Variants in SIPA1L1 observed in about 807,000 individuals in gnomAD.
The protein encoded by SIPA1L1 is signal-induced proliferation-associated 1-like protein 1.
SIPA1L1 carries 26 observed loss-of-function variants against 162.7 expected under a neutral mutation model. The ratio of observed to expected loss-of-function variants is 0.16; its 90% CI spans 0.12 to 0.22. The LOEUF is 0.22. Among genes scored for constraint, SIPA1L1 ranks in the 10% least tolerant of loss-of-function variants. The pLI is 1.00. For missense variants in SIPA1L1, 1,874 were observed against 2,241.0 expected (o/e 0.84, Z 3.31); for synonymous variants, 829 against 837.4 (o/e 0.99, Z 0.17).
intron 7 of SIPA1L1, among the ~76,000 whole-genome samples, chr14:71,646,240 T>C (rs372694111): frequency 6.6e-6 from 1 of 151,122 alleles, no homozygotes; most frequent in Non-Finnish European, 1.5e-5. Context: ...GCAGTGGCGC[T>C]ATCTCGGCTC....
In SIPA1L1 at chr14:71,603,059, G is replaced by A. The variant is rs111736881; in HGVS notation, c.1498+13689G>A. On this transcript the variant is annotated intron_variant, in intron 5 of 23. Coordinates refer to ENST00000381232, the MANE Select transcript of SIPA1L1 (RefSeq NM_001386936.1). Reference sequence around the variant, plus strand: ...CTGGTGGTGAGTGCAGATATGTTTAGAATTGTTACATCTTTTTGCTGAGTT... The same window carrying A: ...CTGGTGGTGAGTGCAGATATGTTTAAAATTGTTACATCTTTTTGCTGAGTT... Among the ~76,000 whole-genome samples, 725 of 152,240 alleles carry A rather than the reference G, an allele frequency of 4.8e-3. 8 individuals are homozygous for A. Among genetic ancestry groups the A allele is most frequent in the African/African-American group, 0.017 (687 of 41,540 alleles).
intron 7 of SIPA1L1, among the ~76,000 whole-genome samples, chr14:71,625,805 G>A (rs1453803890): frequency 6.6e-6 from 1 of 152,144 alleles, no homozygotes; most frequent in Non-Finnish European, 1.5e-5. Flanking sequence ...CTTAACATTT[G>A]AAATTTCTAT....
At chr14:71,357,239 A>G (rs1309659841) in intron 2 of SIPA1L1, among the ~76,000 whole-genome samples, 1 of 151,966 alleles carries the variant, frequency 6.6e-6, no homozygotes, top group Non-Finnish European at 1.5e-5. Context: ...TTTTTAATAG[A>G]TGGCTATTTA....
intron 4 of SIPA1L1, among the ~76,000 whole-genome samples, chr14:71,551,931 A>G (rs1353041856): frequency 6.6e-6 from 1 of 152,136 alleles, no homozygotes; most frequent in Non-Finnish European, 1.5e-5. Context: ...TCCTTGACCA[A>G]ATCAGTTTAA....
At chr14:71,395,964 T>A (rs1484767179) in intron 2 of SIPA1L1, among the ~76,000 whole-genome samples, 4 of 152,322 alleles carry the variant, frequency 2.6e-5, no homozygotes, top group Admixed American at 2.0e-4. Context: ...GAAACTTGGC[T>A]TCCCATCCAG....
chr14:71,522,799 T>C (rs1358657970), intron 3 of SIPA1L1, among the ~76,000 whole-genome samples: 1 of 151,972 alleles, frequency 6.6e-6, no homozygotes, highest in Admixed American at 6.6e-5. Flanking sequence ...GTTCAAGTGA[T>C]TCTCCTGCCT....
In SIPA1L1 at chr14:71,650,505, C is replaced by A; in HGVS notation, c.1989C>A (p.Thr663=). 6.2e-7 allele frequency: 1 copy of A among 1,613,552 alleles called. No homozygotes were observed. Among genetic ancestry groups the A allele is most frequent in the South Asian group, 1.1e-5 (1 of 91,050 alleles). The change falls in exon 8 of 24, where the codon ACC becomes ACA. Residue 663 remains threonine (T), a synonymous_variant. Transcript: ENST00000381232. ...GFEKYRAQLD[T]KTDSTGTHSL... is the part of the protein sequence containing the mutation. ...AGAAGTATCGAGCACAGCTTGATAC[C>A]AAAAGTAAGAAATACTTACACCCTC...
chr14:71,406,437 T>C (rs1277278258), intron 2 of SIPA1L1, among the ~76,000 whole-genome samples: 1 of 152,160 alleles, frequency 6.6e-6, no homozygotes, highest in Non-Finnish European at 1.5e-5. Context: ...TTTTATGACT[T>C]GGGGTCAAAG....
At chr14:71,407,122 AAT>A (rs2042079964) in intron 2 of SIPA1L1, among the ~76,000 whole-genome samples, 2 of 152,202 alleles carry the variant, frequency 1.3e-5, no homozygotes, top group Admixed American at 1.3e-4. Flanking sequence ...GCATGCCTGT[AAT>A]CCCAGCTACT....
At chr14:71,385,686 CTT>C (rs532140419) in intron 2 of SIPA1L1, among the ~76,000 whole-genome samples, 6,842 of 112,454 alleles carry the variant, frequency 0.061, 286 homozygotes, top group African/African-American at 0.17. Context: ...TTTGTACATT[CTT>C]TTTTTTTTTT....
rs1012910198 is a variant in SIPA1L1, at chr14:71,541,515, A to G, written c.-303+12145A>G. Among the ~76,000 whole-genome samples, 5 of 152,330 alleles carry G rather than the reference A, an allele frequency of 3.3e-5. No individual in the cohort carries two copies. In the South Asian group the frequency reaches 1.0e-3, roughly 32 times the overall value. On this transcript the variant is annotated intron_variant, in intron 4 of 23. Coordinates refer to ENST00000381232, the MANE Select transcript of SIPA1L1 (RefSeq NM_001386936.1). The stretch of plus-strand genomic sequence containing the variant: ...CAGCTCATGCCTATAATCCCCCAGC[A>G]CTTTGGGAGGCCAAGGTGAGAGGAT...
chr14:71,338,462 G>C (rs1373587004), intron 2 of SIPA1L1, among the ~76,000 whole-genome samples: 1 of 152,188 alleles, frequency 6.6e-6, no homozygotes, highest in Non-Finnish European at 1.5e-5. Context: ...CATCGTTGGA[G>C]GCCCTAATGC....
intron 2 of SIPA1L1, among the ~76,000 whole-genome samples, chr14:71,327,204 T>A (rs1202573698): frequency 6.6e-6 from 1 of 150,918 alleles, no homozygotes; most frequent in Admixed American, 6.6e-5. Context: ...TGCAACAGCC[T>A]CCTGAGTAGC....
chr14:71,646,161 C>G (rs150716302), intron 7 of SIPA1L1, among the ~76,000 whole-genome samples: 208 of 151,230 alleles, frequency 1.4e-3, no homozygotes, highest in Non-Finnish European at 2.5e-3. Context: ...ATTGCACTGT[C>G]TGTTTCTTTC....
chr14:71,477,599 A>G (rs1043951608), intron 2 of SIPA1L1, among the ~76,000 whole-genome samples: 1 of 152,170 alleles, frequency 6.6e-6, no homozygotes, highest in Admixed American at 6.5e-5. Flanking sequence ...AAGTGCGAGG[A>G]CCTAGATCAT....
chr14:71,723,784 C>G lies in SIPA1L1; in HGVS notation c.4346C>G (p.Pro1449Arg). Residue 1449 changes from proline (P) to arginine (R), a missense_variant, in exon 18 of 24, where the codon CCT becomes CGT. Physicochemically the swap from Pro to Arg is moderately radical, Grantham distance 103 (BLOSUM62 -2). Transcript: ENST00000381232. ...FSSSSSSSSG[P>R]RSFYPRQGAT... ...TCCTCTTCCTCCTCCTCCTCTGGTC[C>G]TAGGAGTTTTTACCCTCGCCAGGGC... The G allele has an allele frequency of 6.2e-7, 1 of 1,614,218 alleles. No homozygotes were observed.
intron 2 of SIPA1L1, among the ~76,000 whole-genome samples, chr14:71,403,435 T>A (rs917031492): frequency 4.6e-5 from 7 of 151,788 alleles, no homozygotes; most frequent in African/African-American, 1.7e-4. Context: ...CCGTCTCTAC[T>A]AAAAATACAA....
intron 13 of SIPA1L1, among the ~76,000 whole-genome samples, chr14:71,697,832 C>T (rs1420844736): frequency 6.6e-6 from 1 of 152,144 alleles, no homozygotes; most frequent in African/African-American, 2.4e-5. Context: ...AGTGAAGCAG[C>T]TTCTGTCTCA....
At chr14:71,634,221 C>T (rs1214285909) in intron 7 of SIPA1L1, among the ~76,000 whole-genome samples, 2 of 151,388 alleles carry the variant, frequency 1.3e-5, no homozygotes, top group African/African-American at 2.4e-5. Flanking sequence ...CCCAACATGG[C>T]GAAACCCTGT....
Sources: allele counts gnomAD v4.1 joint callset (sites outside exome capture counted in the v4.1 genomes callset), GRCh38; gene constraint gnomAD v4.1.1; transcripts MANE v1.5; gene names NCBI Gene and HGNC (gene_info 2026-07-23, HGNC 2026-07-21).